PGAP6: variants seen among roughly 807,000 people sequenced by gnomAD.
PGAP6 encodes the protein post-GPI attachment to proteins factor 6.
A neutral mutation model predicts 68.4 loss-of-function variants in PGAP6; 62 were observed. The observed-to-expected ratio is 0.91, with a 90% CI of 0.74 to 1.12. The LOEUF is 1.12. Ranked by LOEUF, PGAP6 falls within the 50% of genes most tolerant of loss-of-function variation. The probability of loss-of-function intolerance (pLI) is 0.00; values close to 1 mark genes in which losing one functional copy is unlikely to be tolerated. For missense variants in PGAP6, 1,188 were observed against 1,068.5 expected (o/e 1.11, Z -1.56); for synonymous variants, 575 against 474.0 (o/e 1.21, Z -2.77).
upstream of PGAP6, among the ~76,000 whole-genome samples, chr16:385,554 G>A (rs939876218): frequency 1.9e-4 from 28 of 147,244 alleles, 1 homozygote; most frequent in Middle Eastern, 7.0e-3. Flanking sequence ...CTCATGATCC[G>A]CCCGCCTCGG....
chr16:380,699 G>A (rs1376008827), intron 1 of PGAP6, among the ~76,000 whole-genome samples: 1 of 150,964 alleles, frequency 6.6e-6, no homozygotes, highest in Non-Finnish European at 1.5e-5. Flanking sequence ...GGTCCTCGGG[G>A]AAAACTGCCT....
chr16:385,618 A>ATTTTTTTT (rs71139779), upstream of PGAP6, among the ~76,000 whole-genome samples: 1 of 77,000 alleles, frequency 1.3e-5, no homozygotes. Context: ...GCCTACTCTG[A>ATTTTTTTT]TTTTTTTTTT....
chr16:382,403 G>C (rs1163079865), upstream of PGAP6: 3 of 378,032 alleles, frequency 7.9e-6, no homozygotes, highest in Non-Finnish European at 9.4e-6. Flanking sequence ...GCCCCGCCCG[G>C]CGCGCGTGGG....
Position 372,300 on chromosome 16 carries a change from C to A in PGAP6, c.2020-17G>T, listed in dbSNP as rs201892674. ...GCGGTAAGCCTGGAGAAAACAGCCA[C>A]GCAGGTATCAGTGCAGGTGGGGCCG... On this transcript the variant is annotated splice_polypyrimidine_tract_variant and intron_variant, in intron 12 of 12. Transcript: ENST00000431232. 6.2e-7 allele frequency: 1 copy of A among 1,601,606 alleles called. No individual in the cohort carries two copies. Among genetic ancestry groups the A allele is most frequent in the East Asian group, 2.2e-5 (1 of 44,774 alleles).
At chr16:386,125 G>A (rs1040615187), upstream of PGAP6, among the ~76,000 whole-genome samples, 21 of 152,134 alleles carry the variant, frequency 1.4e-4, no homozygotes, top group South Asian at 4.1e-4. Context: ...CAGCCTGGCC[G>A]GAGGGGAGGG....
At chr16:380,756 C>G (rs992297332) in intron 1 of PGAP6, among the ~76,000 whole-genome samples, 7 of 146,730 alleles carry the variant, frequency 4.8e-5, no homozygotes, top group Non-Finnish European at 8.9e-5. Flanking sequence ...GCACAGCCCC[C>G]GAAAGAAACA....
At chr16:386,360 G>T (rs1478190682), upstream of PGAP6, among the ~76,000 whole-genome samples, 1 of 152,150 alleles carries the variant, frequency 6.6e-6, no homozygotes, top group Non-Finnish European at 1.5e-5. Context: ...CACTCTCCCA[G>T]GCTCTGCAGG....
rs932052731 is a variant in PGAP6, at chr16:372,200, C to G, written c.2103G>C (p.Met701Ile). Residue 701 changes from methionine to isoleucine, a missense_variant, in exon 13 of 13, where the codon ATG (methionine) becomes ATC (isoleucine). Transcript: ENST00000431232. The stretch of plus-strand genomic sequence containing the variant: ...TGTAGATGGCGATGCCCACAGAGGC[C>G]ATAGAGACGCCGGGCAGGAGGTAGA... ...WAFYLLPGVS[M>I]ASVGIAIYTS... 1 of 1,610,218 alleles carries G rather than the reference C, an allele frequency of 6.2e-7. No homozygotes were observed. The highest frequency in any genetic ancestry group is 8.5e-7 in the Non-Finnish European group (1 of 1,179,028).
At chr16:383,969 T>G (rs2054465721), upstream of PGAP6, among the ~76,000 whole-genome samples, 1 of 152,182 alleles carries the variant, frequency 6.6e-6, no homozygotes, top group Non-Finnish European at 1.5e-5. Flanking sequence ...AGAGACCCTT[T>G]GTTTCCCGGG....
chr16:382,587 C>T, upstream of PGAP6: 1 of 262,302 alleles, frequency 3.8e-6, no homozygotes, highest in Non-Finnish European at 7.2e-6. Context: ...CATCAACTCC[C>T]GGCGCTTTGC....
At chr16:379,885 G>A (rs539824743) in intron 1 of PGAP6, among the ~76,000 whole-genome samples, 2 of 152,312 alleles carry the variant, frequency 1.3e-5, no homozygotes, top group East Asian at 3.9e-4. Context: ...GGGTGAGGAG[G>A]GCCAGCTACA....
chr16:385,355 C>T (rs1255847483), upstream of PGAP6, among the ~76,000 whole-genome samples: 3 of 145,452 alleles, frequency 2.1e-5, no homozygotes, highest in Non-Finnish European at 4.5e-5. Flanking sequence ...CACTGTCGCC[C>T]AGGCTGGAGT....
At chr16:385,698 C>A (rs1473817590), upstream of PGAP6, among the ~76,000 whole-genome samples, 1 of 131,828 alleles carries the variant, frequency 7.6e-6, no homozygotes, top group Non-Finnish European at 1.6e-5. Context: ...GATCCTGGCT[C>A]ACTGCAAGCT....
chr16:380,442 C>T (rs903665605), intron 1 of PGAP6, among the ~76,000 whole-genome samples: 43 of 151,954 alleles, frequency 2.8e-4, no homozygotes, highest in Non-Finnish European at 2.8e-4. Context: ...CTTCGGCTCA[C>T]CGCAACCTCT....
At position 372,722 on chromosome 16, in the gene PGAP6, C is replaced by T; in HGVS notation, c.1908G>A (p.Leu636=). Residue 636 remains leucine, a synonymous_variant, in exon 12 of 13, where the codon CTG becomes CTA. Transcript: ENST00000431232. ...CGATGACCAGTGTACCCAGAAGAAA[C>T]AGCACCTGCGCAAGACACAGGGATG... ...ARLKTVLKYV[L]FLLGTLVIAM... 6.2e-7 allele frequency: 1 copy of T among 1,608,926 alleles called. No individual in the cohort carries two copies. Among genetic ancestry groups the T allele is most frequent in the South Asian group, 1.1e-5 (1 of 90,916 alleles).
intron 1 of PGAP6, among the ~76,000 whole-genome samples, chr16:379,935 G>A (rs944888773): frequency 2.6e-5 from 4 of 152,250 alleles, no homozygotes; most frequent in African/African-American, 9.6e-5. Flanking sequence ...ACGGACACAG[G>A]GCTGGGTGGG....
At chr16:378,846 C>T (rs2054415295) in intron 1 of PGAP6, among the ~76,000 whole-genome samples, 1 of 152,228 alleles carries the variant, frequency 6.6e-6, no homozygotes, top group Non-Finnish European at 1.5e-5. Flanking sequence ...CCTCTGCGTT[C>T]CAAGCGGGCA....
At chr16:382,011 C>T (rs1331408308), upstream of PGAP6, 5 of 918,784 alleles carry the variant, frequency 5.4e-6, no homozygotes, top group African/African-American at 1.8e-5. Context: ...CAGGCCGAGC[C>T]GGGAAGGCGA....
intron 12 of PGAP6, 141 bp downstream of exon 12, chr16:372,470 G>T: frequency 1.0e-6 from 1 of 953,568 alleles, no homozygotes; most frequent in Non-Finnish European, 1.6e-6. Context: ...GCCATGCTGG[G>T]CCTCTGTGGG....
Sources: allele counts gnomAD v4.1 joint callset (sites outside exome capture counted in the v4.1 genomes callset), GRCh38; gene constraint gnomAD v4.1.1; transcripts MANE v1.5; gene names NCBI Gene and HGNC (gene_info 2026-07-23, HGNC 2026-07-21).